The following CCDC141 variants were observed in gnomAD, a reference collection of about 807,000 sequenced individuals.
CCDC141 encodes the protein coiled-coil domain-containing protein 141.
A neutral mutation model predicts 181.0 loss-of-function variants in CCDC141; 168 were observed. That is an observed-to-expected ratio of 0.93 (90% confidence interval 0.82 to 1.05). The LOEUF is 1.05. Ranked by LOEUF, CCDC141 falls within the 50% of genes least tolerant of loss-of-function variation. The probability of loss-of-function intolerance (pLI) is 0.00; values close to 1 mark genes in which losing one functional copy is unlikely to be tolerated. For missense variants in CCDC141, 1,902 were observed against 1,788.5 expected, an observed-to-expected ratio of 1.06 and a Z score of -1.14; for synonymous variants, 666 against 642.3, an observed-to-expected ratio of 1.04 and a Z score of -0.56.
At chr2:178,841,418 G>A (rs983115272) in intron 22 of CCDC141, among the ~76,000 whole-genome samples, 6 of 152,104 alleles carry the variant, frequency 3.9e-5, no homozygotes, top group Admixed American at 3.3e-4. Flanking sequence ...AGCAAGATAA[G>A]GTGAGTTTAA....
intron 4 of CCDC141, among the ~76,000 whole-genome samples, chr2:178,973,458 A>G (rs1690988147): frequency 6.6e-6 from 1 of 152,194 alleles, no homozygotes; most frequent in Non-Finnish European, 1.5e-5. Context: ...TGGACTCTTG[A>G]AGGCTGGTAC....
At position 179,015,485 on chromosome 2, in the gene CCDC141, A is replaced by C. The variant is rs376784336; in HGVS notation, c.225+31799T>G. On this transcript the variant is annotated intron_variant, in intron 2 of 23. Coordinates refer to ENST00000443758, the MANE Select transcript of CCDC141 (RefSeq NM_173648.4). ...TATATCTCATATATGTGCCATATAT[A>C]TCATATATGTGCCATATATATCATA... is the stretch of plus-strand genomic sequence containing the variant. Among the ~76,000 whole-genome samples the C allele has an allele frequency of 3.6e-3, 312 of 87,018 alleles. 10 individuals carry two copies. The highest frequency in any genetic ancestry group is 0.014 in the African/African-American group (297 of 21,542). 57.1% of individuals were successfully genotyped at this position (87,018 alleles called of 152,430 possible). A position where few individuals can be genotyped will look rare whatever the true frequency, so the allele number is the denominator to read the frequency against.
At chr2:178,991,633 A>T (rs1692059063) in intron 2 of CCDC141, among the ~76,000 whole-genome samples, 1 of 152,088 alleles carries the variant, frequency 6.6e-6, no homozygotes, top group Non-Finnish European at 1.5e-5. Context: ...TAGTAGAGTG[A>T]CTATAGTTAA....
intron 2 of CCDC141, among the ~76,000 whole-genome samples, chr2:179,046,936 A>T (rs970919785): frequency 6.6e-6 from 1 of 152,210 alleles, no homozygotes; most frequent in African/African-American, 2.4e-5. Flanking sequence ...TATCATTAAC[A>T]ATAGAAATTG....
intron 8 of CCDC141, among the ~76,000 whole-genome samples, chr2:178,892,986 C>T (rs1234662102): frequency 3.3e-5 from 5 of 152,098 alleles, no homozygotes; most frequent in Non-Finnish European, 7.4e-5. Context: ...TTGTGATTTG[C>T]ACTGGAAATA....
chr2:178,932,866 A>C (rs2154375962), intron 6 of CCDC141, among the ~76,000 whole-genome samples: 1 of 152,278 alleles, frequency 6.6e-6, no homozygotes, highest in South Asian at 2.1e-4. Context: ...TAAATTACTT[A>C]AATAAGCTTG....
At chr2:178,822,396 T>TA in the CCDC141 span, among the ~76,000 whole-genome samples, 12 of 145,982 alleles carry the variant, frequency 8.2e-5, no homozygotes, top group Non-Finnish European at 1.5e-4. Flanking sequence ...CCCTAGAACT[T>TA]AAAGTATAAT....
intron 11 of CCDC141, among the ~76,000 whole-genome samples, chr2:178,878,478 ATT>A (rs766496516): frequency 2.6e-5 from 3 of 114,622 alleles, no homozygotes; most frequent in Non-Finnish European, 3.5e-5. Flanking sequence ...GGCCTGGCTA[ATT>A]TTTTTTTTTT....
chr2:179,008,062 A>T (rs2042163342), intron 2 of CCDC141, among the ~76,000 whole-genome samples: 1 of 152,342 alleles, frequency 6.6e-6, no homozygotes, highest in Non-Finnish European at 1.5e-5. Flanking sequence ...CAGAGCAGAT[A>T]TTTTATCAAA....
the CCDC141 span, among the ~76,000 whole-genome samples, chr2:178,816,115 T>C: frequency 1.1e-3 from 166 of 152,326 alleles, 1 homozygote; most frequent in African/African-American, 3.9e-3. Flanking sequence ...TCGATTGATG[T>C]TTAATGACAT....
chr2:178,907,420 G>A (rs1688019292), intron 7 of CCDC141, among the ~76,000 whole-genome samples: 1 of 152,190 alleles, frequency 6.6e-6, no homozygotes. Context: ...GATTACCTTG[G>A]AAGACTTAAG....
chr2:178,865,265 A>G (rs1042464545), intron 17 of CCDC141, among the ~76,000 whole-genome samples: 1 of 152,202 alleles, frequency 6.6e-6, no homozygotes, highest in Non-Finnish European at 1.5e-5. Context: ...CAGTGCTAAT[A>G]CTTCGTAGCC....
intron 2 of CCDC141, among the ~76,000 whole-genome samples, chr2:178,998,965 T>C (rs1692407335): frequency 6.6e-6 from 1 of 152,172 alleles, no homozygotes; most frequent in African/African-American, 2.4e-5. Flanking sequence ...AAAATTTGAA[T>C]AGACTCACAG....
chr2:178,962,556 A>G (rs748867106), intron 4 of CCDC141, among the ~76,000 whole-genome samples: 1 of 152,048 alleles, frequency 6.6e-6, no homozygotes, highest in Non-Finnish European at 1.5e-5. Flanking sequence ...AGCCACAGCG[A>G]TCTTTTCTAA....
intron 2 of CCDC141, among the ~76,000 whole-genome samples, chr2:178,981,470 A>G (rs1691389437): frequency 1.3e-5 from 2 of 151,678 alleles, no homozygotes; most frequent in African/African-American, 4.8e-5. Context: ...ATATTTTAAT[A>G]TTAAACAACA....
At chr2:179,015,087 T>TACATAC (rs1428335717) in intron 2 of CCDC141, among the ~76,000 whole-genome samples, 1 of 46,310 alleles carries the variant, frequency 2.2e-5, no homozygotes, top group East Asian at 7.4e-4. Flanking sequence ...TATATATATA[T>TACATAC]ATATATATAT....
chr2:179,003,257 G>A (rs2042033541), intron 2 of CCDC141, among the ~76,000 whole-genome samples: 1 of 152,150 alleles, frequency 6.6e-6, no homozygotes, highest in South Asian at 2.1e-4. Flanking sequence ...TGTTTCTCCA[G>A]TGGTGGAGAT....
chr2:178,991,522 A>T lies in CCDC141; in HGVS notation c.226-12847T>A, dbSNP rs1692053494. Among the ~76,000 whole-genome samples the T allele has an allele frequency of 2.6e-5, 4 of 152,286 alleles. No homozygotes were observed. The South Asian group carries it at 8.4e-4, about 32-fold the overall frequency. ...GAAGGTAGAGAATAGAATGATGGTT[A>T]CCAGAGGCTAGGAGGGTAAGAAGGA... On this transcript the variant is annotated intron_variant, in intron 2 of 23. Transcript: ENST00000443758.
At chr2:178,980,562 T>C (rs957600793) in intron 2 of CCDC141, among the ~76,000 whole-genome samples, 1 of 152,200 alleles carries the variant, frequency 6.6e-6, no homozygotes, top group African/African-American at 2.4e-5. Flanking sequence ...AAAGGTGACT[T>C]AAAAATGGTA....
Sources: allele counts gnomAD v4.1 joint callset (sites outside exome capture counted in the v4.1 genomes callset), GRCh38; gene constraint gnomAD v4.1.1; transcripts MANE v1.5; gene names NCBI Gene and HGNC (gene_info 2026-07-23, HGNC 2026-07-21).